LCP1: variants seen among roughly 807,000 people sequenced by gnomAD.
LCP1 encodes the protein lymphocyte cytosolic protein 1.
LCP1 carries 23 observed loss-of-function variants against 72.0 expected under a neutral mutation model. The ratio of observed to expected loss-of-function variants is 0.32; its 90% confidence interval spans 0.23 to 0.45. LCP1 has a LOEUF of 0.45. LCP1 is among the 20% of genes least tolerant of loss of function. The probability of loss-of-function intolerance (pLI) is 1.00; values close to 1 mark genes in which losing one functional copy is unlikely to be tolerated. For missense variants in LCP1, 571 were observed against 748.3 expected (o/e 0.76, Z 2.76); for synonymous variants, 245 against 275.4 (o/e 0.89, Z 1.09).
In LCP1 at chr13:46,134,231, C is replaced by T. The variant is rs867594237; in HGVS notation, c.1522G>A (p.Glu508Lys). 7 of 1,613,338 alleles carry T rather than the reference C, an allele frequency of 4.3e-6. No homozygotes were observed. Among genetic ancestry groups the T allele is most frequent in the Non-Finnish European group, 5.1e-6 (6 of 1,179,650 alleles). The change falls in exon 14 of 16, where the codon GAA becomes AAA. Residue 508 changes from glutamate (E) to lysine (K), a missense_variant. Glu to Lys is a moderately conservative substitution (Grantham distance 56, BLOSUM62 1). Coordinates refer to ENST00000323076, the MANE Select transcript of LCP1 (RefSeq NM_002298.5). ...LMRRYTLNIL[E>K]EIGGGQKVND... ...ACCTTCTGGCCACCACCAATTTCTT[C>T]GAGGATATTCAGTGTATACCTGAAC...
intron 1 of LCP1, 33 bp from the exon 2 acceptor site, chr13:46,159,719 T>C: frequency 1.5e-6 from 2 of 1,336,534 alleles, no homozygotes; most frequent in South Asian, 1.2e-5. Context: ...GGATAACTTT[T>C]GTGCATTTGA....
At chr13:46,143,777 AAT>A (rs1184391614) in intron 11 of LCP1, among the ~76,000 whole-genome samples, 1 of 152,242 alleles carries the variant, frequency 6.6e-6, no homozygotes, top group Non-Finnish European at 1.5e-5. Context: ...ATGTAAAAGA[AAT>A]ATTTAGAACG....
chr13:46,158,972 A>T lies in LCP1; in HGVS notation c.82T>A (p.Tyr28Asn), dbSNP rs2045820891. Reference protein sequence around the residue: ...FAKVDTDGNGYISFNELNDLF... With the variant: ...FAKVDTDGNGNISFNELNDLF... Reference sequence around the variant, plus strand: ...TCATTCAACTCATTGAAGCTGATGTATCCATTGCCATCAGTATCTGTAATG... The same window carrying T: ...TCATTCAACTCATTGAAGCTGATGTTTCCATTGCCATCAGTATCTGTAATG... The change falls in exon 3 of 16, where the codon TAC becomes AAC. Residue 28 changes from tyrosine to asparagine, a missense_variant. Coordinates refer to ENST00000323076, the MANE Select transcript of LCP1 (RefSeq NM_002298.5). 1 of 1,614,108 alleles carries T rather than the reference A, an allele frequency of 6.2e-7. No homozygotes were observed. Among genetic ancestry groups the T allele is most frequent in the Non-Finnish European group, 8.5e-7 (1 of 1,180,004 alleles).
chr13:46,127,866 A>T, intron 15 of LCP1, 143 bp from the exon 16 acceptor site: 1 of 975,438 alleles, frequency 1.0e-6, no homozygotes, highest in Non-Finnish European at 1.5e-6. Flanking sequence ...CAGCATCCTC[A>T]CACTTTTGTG....
chr13:46,154,713 T>C (rs2045789650), intron 6 of LCP1, 92 bp downstream of exon 6: 2 of 1,004,494 alleles, frequency 2.0e-6, no homozygotes, highest in African/African-American at 1.6e-5. Context: ...TTGCGAATGA[T>C]GTCTGAGCCC....
chr13:46,159,489 G>C (rs2045824522), intron 2 of LCP1, 110 bp downstream of exon 2: 4 of 837,644 alleles, frequency 4.8e-6, no homozygotes, highest in South Asian at 4.5e-5. Flanking sequence ...AATACTACTG[G>C]TTTCTTGTCA....
At chr13:46,128,796 T>C (rs1312487148) in intron 15 of LCP1, among the ~76,000 whole-genome samples, 1 of 152,068 alleles carries the variant, frequency 6.6e-6, no homozygotes, top group East Asian at 1.9e-4. Context: ...TGAAGATAAA[T>C]TTCATTAATT....
At chr13:46,137,299 AG>A (rs2045670965) in intron 13 of LCP1, among the ~76,000 whole-genome samples, 1 of 151,900 alleles carries the variant, frequency 6.6e-6, no homozygotes, top group Non-Finnish European at 1.5e-5. Context: ...GCACTTTGGG[AG>A]GCCGAGGCGG....
At chr13:46,168,182 C>G (rs774006379) in intron 1 of LCP1, among the ~76,000 whole-genome samples, 1 of 152,208 alleles carries the variant, frequency 6.6e-6, no homozygotes, top group Non-Finnish European at 1.5e-5. Context: ...TAGGCTCCAT[C>G]TTGCCTCTAT....
At chr13:46,169,024 G>A (rs1020868950) in intron 1 of LCP1, among the ~76,000 whole-genome samples, 2 of 152,210 alleles carry the variant, frequency 1.3e-5, no homozygotes, top group African/African-American at 2.4e-5. Flanking sequence ...AGGGATCTTA[G>A]AGATGATCTA....
chr13:46,131,489 C>T (rs2045633834), intron 14 of LCP1, among the ~76,000 whole-genome samples: 1 of 152,166 alleles, frequency 6.6e-6, no homozygotes, highest in Admixed American at 6.5e-5. Context: ...TTTGAACCAG[C>T]AATCCCAATA....
Position 46,127,433 on chromosome 13 carries a change from A to C in LCP1, c.*158T>G. ...GCAAAGAATGAAGCACTTTTTGTTA[A>C]ATACAGGAGAGGCTACTTGGCTGCA... On this transcript the variant is annotated 3_prime_UTR_variant, in exon 16 of 16. Coordinates refer to ENST00000323076, the MANE Select transcript of LCP1 (RefSeq NM_002298.5). 1 of 791,448 alleles carries C rather than the reference A, an allele frequency of 1.3e-6. No individual in the cohort carries two copies. Among genetic ancestry groups the C allele is most frequent in the Non-Finnish European group, 1.9e-6 (1 of 520,554 alleles). 49.0% of individuals were successfully genotyped at this position (791,448 alleles called of 1,614,324 possible). A position where few individuals can be genotyped will look rare whatever the true frequency, so the allele number is the denominator to read the frequency against.
At position 46,156,566 on chromosome 13, in the gene LCP1, T is replaced by C. The variant is rs774746334; in HGVS notation, c.363A>G (p.Glu121=). The part of the protein sequence containing the change: ...SVGTQHSYSE[E]EKYAFVNWIN... ...TCCAGTTGACAAAGGCATACTTTTCTTCCTCTGCAAGTAAATGATTAAAGT... is the reference window on the plus strand; with the variant it reads ...TCCAGTTGACAAAGGCATACTTTTCCTCCTCTGCAAGTAAATGATTAAAGT... Residue 121 remains glutamate (E), a synonymous_variant, in exon 5 of 16, where the codon GAA becomes GAG. Transcript: ENST00000323076. 41 of 1,614,054 alleles carry C rather than the reference T, an allele frequency of 2.5e-5. No individual in the cohort carries two copies. Among genetic ancestry groups the C allele is most frequent in the Non-Finnish European group, 8.5e-7 (1 of 1,180,024 alleles).
chr13:46,142,667 T>C (rs1041363965), intron 12 of LCP1: 21 of 572,196 alleles, frequency 3.7e-5, no homozygotes, highest in Admixed American at 3.6e-4. Context: ...TTCATTACTA[T>C]GAATATGTTC....
At chr13:46,140,940 C>G (rs547930002) in intron 13 of LCP1, among the ~76,000 whole-genome samples, 2 of 152,236 alleles carry the variant, frequency 1.3e-5, no homozygotes, top group Admixed American at 1.3e-4. Context: ...ACTAAAGCAT[C>G]GGTGAGCTTA....
intron 5 of LCP1, among the ~76,000 whole-genome samples, chr13:46,155,689 A>G (rs2045795918): frequency 6.6e-6 from 1 of 152,144 alleles, no homozygotes; most frequent in South Asian, 2.1e-4. Context: ...TGCTGAAGCA[A>G]GAGCTACAGA....
At chr13:46,152,653 A>G in intron 7 of LCP1, 127 bp downstream of exon 7, 1 of 887,774 alleles carries the variant, frequency 1.1e-6, no homozygotes, top group Non-Finnish European at 1.7e-6. Context: ...TGACATGAAT[A>G]CCATGGAATC....
intron 13 of LCP1, among the ~76,000 whole-genome samples, chr13:46,141,932 G>A (rs996700217): frequency 9.2e-5 from 14 of 152,044 alleles, no homozygotes; most frequent in African/African-American, 3.1e-4. Flanking sequence ...CTAATCAATA[G>A]GAAGCCTATA....
At chr13:46,169,539 G>A (rs182888634) in intron 1 of LCP1, 1 of 152,360 alleles carries the variant, frequency 6.6e-6, no homozygotes, top group Non-Finnish European at 1.5e-5. Context: ...CAGCACAGGA[G>A]TTTTGACCTG....
Sources: gnomAD v4.1 joint callset for allele counts (sites outside exome capture counted in the v4.1 genomes callset) on GRCh38, gnomAD v4.1.1 for gene constraint, MANE v1.5 for transcripts, NCBI Gene and HGNC (gene_info 2026-07-23, HGNC 2026-07-21) for gene names.